The following CNTN5 variants were observed in gnomAD, a reference collection of about 807,000 sequenced individuals.
CNTN5 encodes the protein contactin-5.
A neutral mutation model predicts 129.1 loss-of-function variants in CNTN5; 77 were observed. That is an observed-to-expected ratio of 0.60 (90% CI 0.50 to 0.72). CNTN5 has a LOEUF of 0.72. CNTN5 is among the 30% of genes least tolerant of loss of function. The pLI is 0.00. For missense variants in CNTN5, 1,478 were observed against 1,328.8 expected (o/e 1.11, Z -1.75); for synonymous variants, 509 against 465.6 (o/e 1.09, Z -1.20).
At chr11:99,697,879 G>A (rs1954342293) in intron 3 of CNTN5, among the ~76,000 whole-genome samples, 1 of 151,404 alleles carries the variant, frequency 6.6e-6, no homozygotes, top group Non-Finnish European at 1.5e-5. Flanking sequence ...AGCAATCATG[G>A]GGACCCTGAT....
At chr11:99,359,616 T>A (rs11219594) in intron 2 of CNTN5, among the ~76,000 whole-genome samples, 1 of 140,098 alleles carries the variant, frequency 7.1e-6, no homozygotes, top group Non-Finnish European at 1.5e-5. Flanking sequence ...TATGAATAAA[T>A]ATATTTATTT....
At chr11:100,324,653 G>C (rs1322734683) in intron 21 of CNTN5, among the ~76,000 whole-genome samples, 1 of 152,042 alleles carries the variant, frequency 6.6e-6, no homozygotes, top group Non-Finnish European at 1.5e-5. Flanking sequence ...GACATACACT[G>C]AACTACATGT....
At chr11:99,844,815 T>G in intron 4 of CNTN5, 37 bp from the exon 5 acceptor site, 1 of 1,578,498 alleles carries the variant, frequency 6.3e-7, no homozygotes, top group Non-Finnish European at 8.6e-7. Flanking sequence ...CTTGCTAGTT[T>G]AAGGAAATTT....
intron 1 of CNTN5, among the ~76,000 whole-genome samples, chr11:99,084,040 G>C (rs1428513517): frequency 1.3e-5 from 2 of 152,162 alleles, no homozygotes; most frequent in Non-Finnish European, 2.9e-5. Flanking sequence ...GAGATCTTCA[G>C]TTATTATTTG....
chr11:99,489,876 G>C (rs1410627385), intron 2 of CNTN5, among the ~76,000 whole-genome samples: 1 of 152,046 alleles, frequency 6.6e-6, no homozygotes, highest in Non-Finnish European at 1.5e-5. Context: ...CAAAGAGAGA[G>C]ATTGAATGTA....
intron 18 of CNTN5, among the ~76,000 whole-genome samples, chr11:100,274,460 TG>T (rs1950466023): frequency 6.6e-6 from 1 of 152,192 alleles, no homozygotes; most frequent in African/African-American, 2.4e-5. Flanking sequence ...ATAAAATTTT[TG>T]CAAACTCTAT....
intron 9 of CNTN5, among the ~76,000 whole-genome samples, chr11:100,005,643 T>C (rs1317407293): frequency 6.6e-6 from 1 of 152,192 alleles, no homozygotes; most frequent in Non-Finnish European, 1.5e-5. Context: ...CTGTTTAACA[T>C]GACAACCCCA....
chr11:100,262,483 A>C (rs1408427817), intron 17 of CNTN5, among the ~76,000 whole-genome samples: 1 of 152,210 alleles, frequency 6.6e-6, no homozygotes, highest in African/African-American at 2.4e-5. Flanking sequence ...ATAAAGACAC[A>C]TGAACATGTA....
intron 2 of CNTN5, among the ~76,000 whole-genome samples, chr11:99,445,673 C>A (rs762792598): frequency 6.6e-6 from 1 of 152,158 alleles, no homozygotes; most frequent in Non-Finnish European, 1.5e-5. Context: ...GAGATGTTAA[C>A]TAAGGAAATG....
chr11:100,324,781 A>ATGTT (rs1436060321), intron 21 of CNTN5, among the ~76,000 whole-genome samples: 4 of 152,202 alleles, frequency 2.6e-5, no homozygotes, highest in African/African-American at 9.6e-5. Context: ...ATCCATTATT[A>ATGTT]TGTTTCTTCT....
intron 13 of CNTN5, among the ~76,000 whole-genome samples, chr11:100,146,177 TTTTGAATTCAGGG>T (rs1946846332): frequency 6.6e-6 from 1 of 152,088 alleles, no homozygotes; most frequent in African/African-American, 2.4e-5. Flanking sequence ...ATACTTAGGG[TTTTGAATTCAGGG>T]TTTGATTAAG....
At chr11:99,822,394 A>G (rs889408736) in intron 4 of CNTN5, among the ~76,000 whole-genome samples, 6 of 152,214 alleles carry the variant, frequency 3.9e-5, no homozygotes, top group Admixed American at 1.3e-4. Flanking sequence ...ATTTTTATTT[A>G]ATGGAGAACT....
chr11:99,860,986 C>T lies in CNTN5; in HGVS notation c.577+15724C>T, dbSNP rs149172218. Among the ~76,000 whole-genome samples, 469 of 119,070 alleles carry T rather than the reference C, an allele frequency of 3.9e-3. 3 individuals are homozygous for T. The highest frequency in any genetic ancestry group is 0.014 in the African/African-American group (432 of 30,862). The allele number at this position is 119,070 out of a possible 152,430, so 78.1% of individuals were successfully genotyped here. A position where few individuals can be genotyped will look rare whatever the true frequency, so the allele number is the denominator to read the frequency against. On this transcript the variant is annotated intron_variant, in intron 6 of 24. Coordinates refer to ENST00000524871, the MANE Select transcript of CNTN5 (RefSeq NM_014361.4). ...TTTTTTTTTTTTTGAGACGGAGTCTCGCTCTGTCGCCCAGGCTGGAGTGCA... is the reference window on the plus strand; with the variant it reads ...TTTTTTTTTTTTTGAGACGGAGTCTTGCTCTGTCGCCCAGGCTGGAGTGCA...
intron 7 of CNTN5, among the ~76,000 whole-genome samples, chr11:99,921,555 G>A (rs1163455927): frequency 1.3e-5 from 2 of 152,108 alleles, no homozygotes; most frequent in African/African-American, 4.8e-5. Flanking sequence ...AGTACTCACA[G>A]CATTACATAT....
At chr11:99,735,195 G>A (rs1426861621) in intron 3 of CNTN5, among the ~76,000 whole-genome samples, 1 of 141,202 alleles carries the variant, frequency 7.1e-6, no homozygotes, top group Non-Finnish European at 1.5e-5. Context: ...GTTCTAAGGT[G>A]TGTTAGTTAA....
At chr11:99,829,045 T>C (rs1338292900) in intron 4 of CNTN5, among the ~76,000 whole-genome samples, 1 of 152,160 alleles carries the variant, frequency 6.6e-6, no homozygotes, top group Non-Finnish European at 1.5e-5. Flanking sequence ...TTAGTGATTA[T>C]GTTGTGATGT....
intron 2 of CNTN5, among the ~76,000 whole-genome samples, chr11:99,408,160 GC>G (rs1361057683): frequency 4.6e-5 from 7 of 151,874 alleles, no homozygotes; most frequent in Admixed American, 1.3e-4. Context: ...TCTTGCTGCA[GC>G]CCTCCTTTTA....
At chr11:100,273,746 C>T (rs1054806620) in intron 18 of CNTN5, among the ~76,000 whole-genome samples, 61 of 152,246 alleles carry the variant, frequency 4.0e-4, no homozygotes, top group Middle Eastern at 3.4e-3. Flanking sequence ...CCCAGGAACC[C>T]GCTAGCACTC....
Position 100,190,167 on chromosome 11 carries a change from C to T in CNTN5, c.1581-959C>T, listed in dbSNP as rs12290631. ...ATCATACTGCCATGGAATAAATTGT[C>T]CTTAGAATCAGGAGGATCCAATTTT... On this transcript the variant is annotated intron_variant, in intron 13 of 24. Transcript: ENST00000524871. Among the ~76,000 whole-genome samples the T allele has an allele frequency of 5.3e-3, 806 of 152,064 alleles. 7 individuals are homozygous for T. The highest frequency in any genetic ancestry group is 0.018 in the African/African-American group (746 of 41,490).
Sources: allele counts gnomAD v4.1 joint callset (sites outside exome capture counted in the v4.1 genomes callset), GRCh38; gene constraint gnomAD v4.1.1; transcripts MANE v1.5; gene names NCBI Gene and HGNC (gene_info 2026-07-23, HGNC 2026-07-21).